The following ZNF385D variants were observed in gnomAD, a reference collection of about 807,000 sequenced individuals.
The protein encoded by ZNF385D is zinc finger protein 659.
A neutral mutation model predicts 35.8 loss-of-function variants in ZNF385D; 15 were observed. The observed-to-expected ratio is 0.42, with a 90% CI of 0.28 to 0.64. The LOEUF is 0.64. Ranked by LOEUF, ZNF385D falls within the 30% of genes least tolerant of loss-of-function variation. The pLI is 0.23. For synonymous variants in ZNF385D, 212 were observed against 186.8 expected (o/e 1.13, Z -1.10); for missense variants, 474 against 494.6 (o/e 0.96, Z 0.39).
intron 3 of ZNF385D, among the ~76,000 whole-genome samples, chr3:21,979,240 G>A (rs952662527): frequency 2.0e-5 from 3 of 151,988 alleles, no homozygotes; most frequent in African/African-American, 4.8e-5. Flanking sequence ...CTGTATAACT[G>A]CACCAAACAG....
chr3:21,596,820 G>A (rs2064141293), intron 2 of ZNF385D, among the ~76,000 whole-genome samples: 1 of 151,978 alleles, frequency 6.6e-6, no homozygotes, highest in Admixed American at 6.6e-5. Flanking sequence ...GAGGATTTGG[G>A]TGACTGCCAT....
At chr3:22,280,311 C>A (rs2638146) in intron 2 of ZNF385D, among the ~76,000 whole-genome samples, 83,711 of 150,956 alleles carry the variant, frequency 0.55, 25,325 homozygotes, top group African/African-American at 0.82. Flanking sequence ...GTTTTGTTGC[C>A]TTTGCTTTTG....
chr3:21,504,508 A>G (rs1706626417), intron 4 of ZNF385D, among the ~76,000 whole-genome samples: 1 of 152,186 alleles, frequency 6.6e-6, no homozygotes, highest in Non-Finnish European at 1.5e-5. Flanking sequence ...CTTTTATATA[A>G]AAAGTACTCT....
At chr3:21,754,506 T>G (rs1400913513), upstream of ZNF385D, among the ~76,000 whole-genome samples, 1 of 152,122 alleles carries the variant, frequency 6.6e-6, no homozygotes, top group Non-Finnish European at 1.5e-5. Context: ...AATATCATGG[T>G]TGGGTGAAAA....
intron 3 of ZNF385D, among the ~76,000 whole-genome samples, chr3:21,541,542 C>T (rs1250044309): frequency 6.6e-6 from 1 of 152,088 alleles, no homozygotes; most frequent in Admixed American, 6.5e-5. Context: ...TACGAATGGC[C>T]ACAAAACCCC....
At chr3:22,108,474 G>A (rs1038507522) in intron 3 of ZNF385D, among the ~76,000 whole-genome samples, 3 of 151,934 alleles carry the variant, frequency 2.0e-5, no homozygotes, top group Non-Finnish European at 4.4e-5. Context: ...TAAAAGATTT[G>A]AATGAGTGCA....
intron 3 of ZNF385D, among the ~76,000 whole-genome samples, chr3:22,104,929 G>A (rs1156490932): frequency 2.0e-5 from 3 of 152,128 alleles, no homozygotes; most frequent in Non-Finnish European, 2.9e-5. Context: ...AACGGTCAAT[G>A]TTTTACTGAA....
At chr3:21,757,894 A>T (rs187453083) in intron 3 of ZNF385D, among the ~76,000 whole-genome samples, 1 of 152,168 alleles carries the variant, frequency 6.6e-6, no homozygotes, top group Admixed American at 6.5e-5. Flanking sequence ...TGTCTGAAAC[A>T]TAGGAGACAT....
intron 3 of ZNF385D, among the ~76,000 whole-genome samples, chr3:22,132,760 G>C (rs1413909819): frequency 6.6e-6 from 1 of 151,864 alleles, no homozygotes; most frequent in Non-Finnish European, 1.5e-5. Context: ...ATTTACCCAT[G>C]TCTTTATCTA....
intron 3 of ZNF385D, among the ~76,000 whole-genome samples, chr3:22,110,586 A>G (rs62246422): frequency 6.6e-6 from 1 of 151,812 alleles, no homozygotes; most frequent in Non-Finnish European, 1.5e-5. Flanking sequence ...GGAATTGAAC[A>G]ATGAGAACAC....
chr3:22,265,558 G>A (rs73821345), intron 2 of ZNF385D, among the ~76,000 whole-genome samples: 1,523 of 151,984 alleles, frequency 0.01, 30 homozygotes, highest in African/African-American at 0.035. Flanking sequence ...TGACCTTGTC[G>A]CCATCAACCT....
chr3:21,877,864 A>G (rs910040621), intron 3 of ZNF385D: 7 of 152,026 alleles, frequency 4.6e-5, no homozygotes, highest in African/African-American at 1.7e-4. Context: ...CAATAAATTT[A>G]TTTGGGAAGT....
intron 4 of ZNF385D, among the ~76,000 whole-genome samples, chr3:21,455,774 A>G (rs981273110): frequency 6.6e-6 from 1 of 152,230 alleles, no homozygotes; most frequent in African/African-American, 2.4e-5. Context: ...CTGCACAGCA[A>G]AAGAAACTAC....
intron 3 of ZNF385D, among the ~76,000 whole-genome samples, chr3:22,021,877 C>A (rs1697243432): frequency 6.6e-6 from 1 of 152,072 alleles, no homozygotes; most frequent in South Asian, 2.1e-4. Flanking sequence ...GCGGCCTGCA[C>A]TTGGAATGTT....
rs1185847221 is a variant in ZNF385D at position 21,825,201 on chromosome 3, A to T, written c.326-160173T>A. On this transcript the variant is annotated intron_variant, in intron 3 of 5. Coordinates refer to the ZNF385D transcript ENST00000494108. ...AAAAAATTCTGATTATTTTTTCACC[A>T]AACAGTGTTCTAAAATGACAAGCAC... Among the ~76,000 whole-genome samples the T allele has an allele frequency of 2.6e-5, 4 of 151,856 alleles. No homozygotes were observed. The South Asian group carries it at 6.2e-4, about 24-fold the overall frequency.
At chr3:21,619,673 T>G (rs568815219) in intron 2 of ZNF385D, among the ~76,000 whole-genome samples, 1 of 152,188 alleles carries the variant, frequency 6.6e-6, no homozygotes, top group South Asian at 2.1e-4. Flanking sequence ...GTGGTAAGAG[T>G]TGTAAAATCT....
At chr3:22,295,178 A>G (rs755983736) in intron 2 of ZNF385D, among the ~76,000 whole-genome samples, 8 of 152,184 alleles carry the variant, frequency 5.3e-5, no homozygotes, top group Non-Finnish European at 8.8e-5. Flanking sequence ...TCTACATTTG[A>G]ATAATAAAGT....
intron 2 of ZNF385D, among the ~76,000 whole-genome samples, chr3:22,329,056 G>A (rs534504791): frequency 8.0e-5 from 10 of 125,144 alleles, no homozygotes; most frequent in South Asian, 7.4e-4. Context: ...CAGCCTGGGC[G>A]ACAGAGCGAG....
chr3:22,148,461 T>C (rs1705005199), intron 3 of ZNF385D, among the ~76,000 whole-genome samples: 1 of 152,186 alleles, frequency 6.6e-6, no homozygotes, highest in African/African-American at 2.4e-5. Context: ...CCTGTGAAAC[T>C]ACTGAAGGAT....
Sources: gnomAD v4.1 joint callset for allele counts (sites outside exome capture counted in the v4.1 genomes callset) on GRCh38, gnomAD v4.1.1 for gene constraint, MANE v1.5 for transcripts, NCBI Gene and HGNC (gene_info 2026-07-23, HGNC 2026-07-21) for gene names.